HIVEP3: variants seen among roughly 807,000 people sequenced by gnomAD.
The protein encoded by HIVEP3 is transcription factor HIVEP3.
In HIVEP3, 49 loss-of-function variants were observed where a neutral mutation model predicts 152.8. The ratio of observed to expected loss-of-function variants is 0.32; its 90% CI spans 0.26 to 0.41. The LOEUF is 0.41. HIVEP3 is among the 10% of genes least tolerant of loss of function. The probability of loss-of-function intolerance (pLI) is 1.00; values close to 1 mark genes in which losing one functional copy is unlikely to be tolerated. For missense variants in HIVEP3, 2,790 were observed against 3,103.3 expected, an observed-to-expected ratio of 0.90 and a Z score of 2.40; for synonymous variants, 1,269 against 1,289.0, an observed-to-expected ratio of 0.98 and a Z score of 0.33.
In HIVEP3 at chr1:41,510,732, T is replaced by C; in HGVS notation, c.6940A>G (p.Thr2314Ala). Residue 2314 changes from threonine (T) to alanine (A), a missense_variant, in exon 9 of 9, where the codon ACC becomes GCC. Physicochemically the swap from Thr to Ala is moderately conservative, Grantham distance 58. Around this residue, in one of 9 missense-constraint regions of HIVEP3, gnomAD observed 816 missense variants for 806.5 expected, o/e 1.01. Transcript: ENST00000372583. ...PTHSPCTPPDTLPRPPQGRRA... is the reference protein window; with the variant it reads ...PTHSPCTPPDALPRPPQGRRA... The stretch of plus-strand genomic sequence containing the variant: ...CGTCCCTGGGGCGGCCGGGGCAAGG[T>C]GTCGGGTGGGGTGCAGGGGCTGTGC... 1.3e-6 allele frequency: 2 copies of C among 1,553,058 alleles called. No individual in the cohort carries two copies. Among genetic ancestry groups the C allele is most frequent in the Non-Finnish European group, 1.7e-6 (2 of 1,149,266 alleles).
At chr1:41,661,181 G>A (rs904792456) in intron 2 of HIVEP3, among the ~76,000 whole-genome samples, 4 of 152,184 alleles carry the variant, frequency 2.6e-5, no homozygotes, top group Admixed American at 2.6e-4. Context: ...GAACGAGTCT[G>A]CCCAGAGTCA....
intron 1 of HIVEP3, among the ~76,000 whole-genome samples, chr1:41,709,333 A>C (rs755743887): frequency 6.6e-6 from 1 of 152,212 alleles, no homozygotes; most frequent in Non-Finnish European, 1.5e-5. Flanking sequence ...AGCGAGCTTT[A>C]AACCTGGGAA....
At chr1:41,765,990 A>C (rs1366353440) in intron 1 of HIVEP3, among the ~76,000 whole-genome samples, 1 of 152,152 alleles carries the variant, frequency 6.6e-6, no homozygotes, top group South Asian at 2.1e-4. Context: ...TCCTGCACTG[A>C]TAACTATTTG....
chr1:41,996,543 C>T (rs1645396982), intron 1 of HIVEP3, among the ~76,000 whole-genome samples: 2 of 152,086 alleles, frequency 1.3e-5, no homozygotes, highest in Admixed American at 6.5e-5. Flanking sequence ...ACCAGAGCAC[C>T]CATGCACAGT....
At chr1:41,835,817 G>C (rs1643106159) in intron 1 of HIVEP3, among the ~76,000 whole-genome samples, 1 of 152,206 alleles carries the variant, frequency 6.6e-6, no homozygotes. Flanking sequence ...GACAAATGCA[G>C]TGCTCCCTGG....
chr1:41,678,183 C>G (rs1197332256), intron 2 of HIVEP3, among the ~76,000 whole-genome samples: 1 of 152,204 alleles, frequency 6.6e-6, no homozygotes, highest in Admixed American at 6.5e-5. Flanking sequence ...CGGCGATCCC[C>G]ACAGCCTGTT....
At chr1:41,589,125 G>C (rs1558095208) in intron 3 of HIVEP3, among the ~76,000 whole-genome samples, 1 of 152,214 alleles carries the variant, frequency 6.6e-6, no homozygotes, top group Non-Finnish European at 1.5e-5. Flanking sequence ...AAGTGATAAA[G>C]AAAAGAGCCA....
At chr1:42,032,504 T>C (rs1645618622) in intron 1 of HIVEP3, among the ~76,000 whole-genome samples, 1 of 152,176 alleles carries the variant, frequency 6.6e-6, no homozygotes, top group Non-Finnish European at 1.5e-5. Context: ...AGAAATCTGT[T>C]TTTGGTCTGC....
At chr1:41,562,963 A>G (rs576265869) in intron 5 of HIVEP3, among the ~76,000 whole-genome samples, 127 of 152,150 alleles carry the variant, frequency 8.3e-4, no homozygotes, top group African/African-American at 2.9e-3. Context: ...CCCCAGAGAA[A>G]GCCTGGAGGT....
chr1:41,665,206 C>T (rs982059564), intron 2 of HIVEP3, among the ~76,000 whole-genome samples: 2 of 152,152 alleles, frequency 1.3e-5, no homozygotes, highest in East Asian at 1.9e-4. Context: ...AGCCCTGCTT[C>T]GAGGCTACCA....
In HIVEP3 at chr1:41,898,333, G is replaced by T. The variant is rs75658109; in HGVS notation, c.-801+20080C>A. ...CTTGCTTCCTGGCAGTCTCCCTGGA[G>T]GGGGAGGGGGCAGGAAGTGATCTAG... is the stretch of plus-strand genomic sequence containing the variant. On this transcript the variant is annotated intron_variant, in intron 1 of 8. Coordinates refer to ENST00000372583, the MANE Select transcript of HIVEP3 (RefSeq NM_024503.5). Among the ~76,000 whole-genome samples the T allele has an allele frequency of 2.2e-4, 34 of 152,306 alleles. No homozygotes were observed. The East Asian group carries it at 6.2e-3, about 28-fold the overall frequency.
At chr1:42,016,732 C>T (rs1410833290) in intron 1 of HIVEP3, among the ~76,000 whole-genome samples, 1 of 152,122 alleles carries the variant, frequency 6.6e-6, no homozygotes, top group East Asian at 1.9e-4. Flanking sequence ...TGACTTCATC[C>T]ACTGATACAG....
intron 5 of HIVEP3, among the ~76,000 whole-genome samples, chr1:41,531,791 A>G (rs1643263379): frequency 1.7e-5 from 1 of 60,210 alleles, no homozygotes; most frequent in Non-Finnish European, 3.6e-5. Context: ...GATGGAAGAC[A>G]GGGGAGACGG....
At chr1:41,802,865 G>A (rs1300538923) in intron 1 of HIVEP3, among the ~76,000 whole-genome samples, 1 of 152,128 alleles carries the variant, frequency 6.6e-6, no homozygotes, top group African/African-American at 2.4e-5. Context: ...TGACCTCTGA[G>A]TATAAAATGT....
rs557860612 is a variant in HIVEP3 at position 41,899,799 on chromosome 1, C to G, written c.-801+18614G>C. Reference sequence around the variant, plus strand: ...CTCTATGAAGTACTATTATTACCCCCCAGCTTATAAGATAGGAAACTGAGG... The same window carrying G: ...CTCTATGAAGTACTATTATTACCCCGCAGCTTATAAGATAGGAAACTGAGG... On this transcript the variant is annotated intron_variant, in intron 1 of 8. Coordinates refer to ENST00000372583, the MANE Select transcript of HIVEP3 (RefSeq NM_024503.5). 3.3e-4 allele frequency among the ~76,000 whole-genome samples: 51 copies of G among 152,288 alleles called. 1 individual carries two copies. The highest frequency in any genetic ancestry group is 1.2e-3 in the African/African-American group (48 of 41,558).
At chr1:41,564,137 G>A (rs1463644540) in intron 5 of HIVEP3, among the ~76,000 whole-genome samples, 2 of 152,154 alleles carry the variant, frequency 1.3e-5, no homozygotes, top group South Asian at 4.1e-4. Flanking sequence ...AGGCTGCAGT[G>A]AGCCGAGATC....
At chr1:41,923,284 T>TA (rs1644950667), upstream of HIVEP3, among the ~76,000 whole-genome samples, 1 of 152,238 alleles carries the variant, frequency 6.6e-6, no homozygotes, top group Non-Finnish European at 1.5e-5. Context: ...CTCTAACTGA[T>TA]ATCTTGTTAA....
intron 1 of HIVEP3, among the ~76,000 whole-genome samples, chr1:42,017,664 CT>C (rs1209011586): frequency 6.6e-6 from 1 of 152,078 alleles, no homozygotes; most frequent in East Asian, 1.9e-4. Flanking sequence ...ATTCTACTGT[CT>C]TTGGATATCT....
At chr1:41,649,987 G>C (rs1645521980) in intron 2 of HIVEP3, among the ~76,000 whole-genome samples, 1 of 152,048 alleles carries the variant, frequency 6.6e-6, no homozygotes, top group African/African-American at 2.4e-5. Context: ...CATCCCCGGG[G>C]GTGGGAAAGC....
Sources: allele counts gnomAD v4.1 joint callset (sites outside exome capture counted in the v4.1 genomes callset), GRCh38; gene constraint gnomAD v4.1.1; regional missense constraint gnomAD v4.1.1; transcripts MANE v1.5; gene names NCBI Gene and HGNC (gene_info 2026-07-23, HGNC 2026-07-21).